The following SGPL1 variants were observed in gnomAD, a reference collection of about 807,000 sequenced individuals.
SGPL1 encodes the protein SP-lyase 1.
In SGPL1, 37 loss-of-function variants were observed where a neutral mutation model predicts 68.9. The ratio of observed to expected loss-of-function variants is 0.54; its 90% CI spans 0.41 to 0.71. The LOEUF is 0.71. Ranked by LOEUF, SGPL1 falls within the 30% of genes least tolerant of loss-of-function variation. The pLI is 0.00. For missense variants in SGPL1, 551 were observed against 704.6 expected, an observed-to-expected ratio of 0.78 and a Z score of 2.47; for synonymous variants, 236 against 248.5, an observed-to-expected ratio of 0.95 and a Z score of 0.47.
In SGPL1 at chr10:70,844,628, C is replaced by T; in HGVS notation, c.183C>T (p.Phe61=). The T allele has an allele frequency of 1.9e-6, 3 of 1,613,852 alleles. No individual in the cohort carries two copies. Among genetic ancestry groups the T allele is most frequent in the Non-Finnish European group, 2.5e-6 (3 of 1,179,924 alleles). ...LLIVWGYEFV[F]QPESLWSRFK... is the part of the protein sequence containing the mutation. ...TAGTCTGGGGATATGAGTTTGTCTT[C>T]CAGCCAGAGAGTAAGTATGCTGTCT... The change falls in exon 3 of 15, where the codon TTC becomes TTT. Residue 61 remains phenylalanine (F), a synonymous_variant. Transcript: ENST00000373202.
chr10:70,820,847 A>G (rs11594622), intron 2 of SGPL1, among the ~76,000 whole-genome samples: 10,660 of 152,244 alleles, frequency 0.07, 490 homozygotes, highest in African/African-American at 0.1. Flanking sequence ...TAAAACTTGT[A>G]TCTGCAGGCA....
chr10:70,867,810 T>G (rs1245683050), intron 7 of SGPL1, among the ~76,000 whole-genome samples: 2 of 152,230 alleles, frequency 1.3e-5, no homozygotes, highest in African/African-American at 2.4e-5. Flanking sequence ...GATTTTTGTT[T>G]TATTTCAGAT....
At chr10:70,822,639 G>A (rs951387120) in intron 2 of SGPL1, among the ~76,000 whole-genome samples, 2 of 152,140 alleles carry the variant, frequency 1.3e-5, no homozygotes, top group Non-Finnish European at 2.9e-5. Flanking sequence ...AATGGTGAAG[G>A]CTGCGAGTAG....
chr10:70,852,706 ATGTGTGTG>A (rs35491906), intron 4 of SGPL1, among the ~76,000 whole-genome samples: 22 of 145,942 alleles, frequency 1.5e-4, no homozygotes, highest in Middle Eastern at 3.6e-3. Flanking sequence ...ACATGTGTGT[ATGTGTGTG>A]TGTGTGTGTG....
At chr10:70,818,026 T>A (rs930125537) in intron 2 of SGPL1, among the ~76,000 whole-genome samples, 1 of 152,254 alleles carries the variant, frequency 6.6e-6, no homozygotes, top group Non-Finnish European at 1.5e-5. Context: ...CCTTATGGAC[T>A]TCTTAGTGTG....
In SGPL1 at chr10:70,851,132, G is replaced by C. The variant is rs749901019; in HGVS notation, c.194-11G>C. On this transcript the variant is annotated splice_polypyrimidine_tract_variant and intron_variant, in intron 3 of 14. Coordinates refer to ENST00000373202, the MANE Select transcript of SGPL1 (RefSeq NM_003901.4). ...ATTTATTTGAATAAGAGAACCATTT[G>C]TTTCTTTTAGGTTTATGGTCAAGGT... 1 of 1,609,188 alleles carries C rather than the reference G, an allele frequency of 6.2e-7. No homozygotes were observed. The highest frequency in any genetic ancestry group is 1.1e-5 in the South Asian group (1 of 90,970).
chr10:70,852,050 G>C (rs1345858500), intron 4 of SGPL1, among the ~76,000 whole-genome samples: 1 of 152,134 alleles, frequency 6.6e-6, no homozygotes, highest in Admixed American at 6.5e-5. Context: ...AGATAAACAG[G>C]GCAGGCCACT....
intron 8 of SGPL1, 47 bp downstream of exon 8, chr10:70,868,480 G>T: frequency 6.9e-7 from 1 of 1,450,670 alleles, no homozygotes; most frequent in Non-Finnish European, 9.7e-7. Flanking sequence ...TGTCTGTCTG[G>T]AGTACAGCTT....
At chr10:70,867,768 G>A (rs1297080733) in intron 7 of SGPL1, among the ~76,000 whole-genome samples, 1 of 151,740 alleles carries the variant, frequency 6.6e-6, no homozygotes, top group Non-Finnish European at 1.5e-5. Context: ...CAAACTTTAG[G>A]AAAACATTTC....
At chr10:70,858,328 G>T (rs1845997038) in intron 6 of SGPL1, among the ~76,000 whole-genome samples, 1 of 151,870 alleles carries the variant, frequency 6.6e-6, no homozygotes, top group Non-Finnish European at 1.5e-5. Context: ...GTTGGAGATG[G>T]GGTCTCACTC....
intron 1 of SGPL1, among the ~76,000 whole-genome samples, chr10:70,816,448 G>A (rs1186668981): frequency 6.6e-6 from 1 of 152,164 alleles, no homozygotes; most frequent in African/African-American, 2.4e-5. Flanking sequence ...ATTCTGAAGG[G>A]AGTGCGGAGG....
chr10:70,876,746 G>A, intron 14 of SGPL1, 85 bp downstream of exon 14: 1 of 1,231,062 alleles, frequency 8.1e-7, no homozygotes, highest in Non-Finnish European at 1.1e-6. Context: ...CCCGGAGTCT[G>A]TTCCTGCCTC....
chr10:70,869,832 G>A lies in SGPL1; in HGVS notation c.745G>A (p.Ala249Thr). Residue 249 changes from alanine to threonine, a missense_variant, in exon 9 of 15, where the codon GCC becomes ACC. Ala to Thr is a moderately conservative substitution (Grantham distance 58). Transcript: ENST00000373202. ...QSAHAAFNKA[A>T]SYFGMKIVRV... Reference sequence around the variant, plus strand: ...TGCCCATGCTGCATTTAACAAAGCAGCCAGTTACTTTGGGATGAAGATTGT... The same window carrying A: ...TGCCCATGCTGCATTTAACAAAGCAACCAGTTACTTTGGGATGAAGATTGT... 1 of 1,614,124 alleles carries A rather than the reference G, an allele frequency of 6.2e-7. No individual in the cohort carries two copies.
At chr10:70,854,012 C>G (rs533798594) in intron 4 of SGPL1, among the ~76,000 whole-genome samples, 2 of 152,272 alleles carry the variant, frequency 1.3e-5, no homozygotes, top group South Asian at 4.1e-4. Flanking sequence ...CTAGTTATAC[C>G]TTTGATTCTT....
At chr10:70,819,536 G>A (rs770122421) in intron 2 of SGPL1, among the ~76,000 whole-genome samples, 2 of 151,916 alleles carry the variant, frequency 1.3e-5, no homozygotes, top group Admixed American at 1.3e-4. Flanking sequence ...CCCTCCACCT[G>A]GGAAGAAAGG....
chr10:70,824,544 A>C (rs1345124861), intron 2 of SGPL1, among the ~76,000 whole-genome samples: 1 of 152,240 alleles, frequency 6.6e-6, no homozygotes, highest in African/African-American at 2.4e-5. Flanking sequence ...AACTGCAACT[A>C]TCTTCTTATA....
At chr10:70,868,076 G>A (rs1846225812) in intron 7 of SGPL1, among the ~76,000 whole-genome samples, 1 of 152,246 alleles carries the variant, frequency 6.6e-6, no homozygotes, top group African/African-American at 2.4e-5. Context: ...TAAATGGATT[G>A]TGAATAGGTG....
At chr10:70,825,605 T>C (rs1845419337) in intron 2 of SGPL1, among the ~76,000 whole-genome samples, 2 of 152,158 alleles carry the variant, frequency 1.3e-5, no homozygotes, top group Admixed American at 1.3e-4. Context: ...CCAAAGCTGC[T>C]TTGTTCCAGT....
intron 5 of SGPL1, among the ~76,000 whole-genome samples, chr10:70,856,384 T>C (rs751669134): frequency 6.6e-6 from 1 of 152,236 alleles, no homozygotes; most frequent in Admixed American, 6.5e-5. Flanking sequence ...AGGATGTAGA[T>C]GAATAAAGCA....
Sources: gnomAD v4.1 joint callset for allele counts (sites outside exome capture counted in the v4.1 genomes callset) on GRCh38, gnomAD v4.1.1 for gene constraint, MANE v1.5 for transcripts, NCBI Gene and HGNC (gene_info 2026-07-23, HGNC 2026-07-21) for gene names.